The following LMO3 variants were observed in gnomAD, a reference collection of about 807,000 sequenced individuals.
The protein encoded by LMO3 is LIM domain only protein 3.
In LMO3, 2 loss-of-function variants were observed where a neutral mutation model predicts 15.8. The observed-to-expected ratio is 0.13, with a 90% CI of 0.05 to 0.40. The LOEUF is 0.40. Among genes scored for constraint, LMO3 ranks in the 10% least tolerant of loss-of-function variants. The pLI is 0.99. For missense variants in LMO3, 86 were observed against 182.2 expected (o/e 0.47, Z 3.04); for synonymous variants, 62 against 63.8 (o/e 0.97, Z 0.13).
Position 16,599,284 on chromosome 12 carries a change from T to G in LMO3, c.206+1371A>C, listed in dbSNP as rs1943750335. ...GGCACCTTGCATGTGTTTTACGCAC[T>G]TGGAACACAGAGAAGTAGTAACAAG... is the stretch of plus-strand genomic sequence containing the variant. On this transcript the variant is annotated intron_variant, in intron 2 of 3. Coordinates refer to ENST00000537304, the MANE Select transcript of LMO3 (RefSeq NM_018640.5). The surrounding 1 kb of genome is among the most constrained non-coding windows in gnomAD (Gnocchi z 4.1). The G allele has an allele frequency of 6.6e-6, 1 of 152,280 alleles. No individual in the cohort carries two copies. Among genetic ancestry groups the G allele is most frequent in the African/African-American group, 2.4e-5 (1 of 41,452 alleles). 9.4% of individuals were successfully genotyped at this position (152,280 alleles called of 1,614,324 possible).
rs1943549777 is a variant in LMO3 at position 16,593,306 on chromosome 12, T to C, written c.206+7349A>G. ...TCCCAGTAGCCCAGTTGGAGAGTTTTAATATTAAATTGAATCATAACAACA... is the reference window on the plus strand; with the variant it reads ...TCCCAGTAGCCCAGTTGGAGAGTTTCAATATTAAATTGAATCATAACAACA... On this transcript the variant is annotated intron_variant, in intron 2 of 3. Transcript: ENST00000537304. This position sits in a 1 kb window ranked among gnomAD's most constrained non-coding sequence, Gnocchi z 4.2. Among the ~76,000 whole-genome samples, 1 of 151,838 alleles carries C rather than the reference T, an allele frequency of 6.6e-6. No individual in the cohort carries two copies. Among genetic ancestry groups the C allele is most frequent in the South Asian group, 2.1e-4 (1 of 4,834 alleles).
In LMO3 at chr12:16,603,560, T is replaced by A. The variant is rs528773220; in HGVS notation, c.-9+2506A>T. ...TGTTCTGAGGGAAATTCTTATTGCC[T>A]CTGAGACCCTGCCATTCTGAGTTAT... On this transcript the variant is annotated intron_variant, in intron 1 of 3. Coordinates refer to ENST00000537304, the MANE Select transcript of LMO3 (RefSeq NM_018640.5). This position sits in a 1 kb window ranked among gnomAD's most constrained non-coding sequence, Gnocchi z 4.9. 7.2e-5 allele frequency among the ~76,000 whole-genome samples: 11 copies of A among 152,284 alleles called. No homozygotes were observed. The highest frequency in any genetic ancestry group is 2.6e-4 in the African/African-American group (11 of 41,554).
intron 2 of LMO3, among the ~76,000 whole-genome samples, chr12:16,579,555 A>C (rs1175410360): frequency 6.6e-6 from 1 of 152,222 alleles, no homozygotes; most frequent in Non-Finnish European, 1.5e-5. Flanking sequence ...ATAATTTGAA[A>C]AAAAGATTTT....
chr12:16,601,808 TG>T (rs1943833176), intron 1 of LMO3: 1 of 152,196 alleles, frequency 6.6e-6, no homozygotes, highest in African/African-American at 2.4e-5. Flanking sequence ...CTGGATTCCA[TG>T]GGCTTTACAG....
At position 16,593,744 on chromosome 12, in the gene LMO3, G is replaced by A. The variant is rs1002600314; in HGVS notation, c.206+6911C>T. Among the ~76,000 whole-genome samples, 1 of 151,686 alleles carries A rather than the reference G, an allele frequency of 6.6e-6. No individual in the cohort carries two copies. The highest frequency in any genetic ancestry group is 2.4e-5 in the African/African-American group (1 of 41,366). On this transcript the variant is annotated intron_variant, in intron 2 of 3. Transcript: ENST00000537304. This position sits in a 1 kb window ranked among gnomAD's most constrained non-coding sequence, Gnocchi z 4.2. ...ATCCATTAATACTGATAATAAAGGG[G>A]GGAAAGGCATAAGCCAAAGGAATTG...
intron 1 of LMO3, chr12:16,602,305 C>T (rs1049452625): frequency 7.0e-5 from 10 of 142,718 alleles, no homozygotes; most frequent in African/African-American, 2.4e-4. Flanking sequence ...AAGGCTTCAC[C>T]CCCATCACAA....
chr12:16,560,556 T>TC lies in LMO3; in HGVS notation c.207-19_207-18insG. On this transcript the variant is annotated intron_variant, in intron 2 of 3. Transcript: ENST00000537304. This position sits in a 1 kb window ranked among gnomAD's most constrained non-coding sequence, Gnocchi z 5.0. Reference sequence around the variant, plus strand: ...CAAAGAGCCTAGAATAAGAAACATTTTTTTTTTTTTACAAACTCTTACAGA... The same window carrying TC: ...CAAAGAGCCTAGAATAAGAAACATTTCTTTTTTTTTTACAAACTCTTACAGA... 1 of 1,594,988 alleles carries TC rather than the reference T, an allele frequency of 6.3e-7. No individual in the cohort carries two copies. The highest frequency in any genetic ancestry group is 8.5e-7 in the Non-Finnish European group (1 of 1,172,138).
chr12:16,586,796 T>C lies in LMO3; in HGVS notation c.206+13859A>G, dbSNP rs1383403730. Among the ~76,000 whole-genome samples, 1 of 152,198 alleles carries C rather than the reference T, an allele frequency of 6.6e-6. No homozygotes were observed. The highest frequency in any genetic ancestry group is 1.5e-5 in the Non-Finnish European group (1 of 68,042). ...ATTTATTGCATTACTTTTGTAACCT[T>C]TCTCCCAAAGGAACATGTAAGCCAT... On this transcript the variant is annotated intron_variant, in intron 2 of 3. Coordinates refer to ENST00000537304, the MANE Select transcript of LMO3 (RefSeq NM_018640.5). This position sits in a 1 kb window ranked among gnomAD's most constrained non-coding sequence, Gnocchi z 4.3.
rs1358693846 is a variant in LMO3, at chr12:16,591,080, A to C, written c.206+9575T>G. 6.6e-6 allele frequency among the ~76,000 whole-genome samples: 1 copy of C among 152,042 alleles called. No individual in the cohort carries two copies. The highest frequency in any genetic ancestry group is 2.4e-5 in the African/African-American group (1 of 41,408). ...ATGGTTTTCAAATTGAAGTATTATC[A>C]CTTTTCTAGGGGACATTTAGAAATG... is the stretch of plus-strand genomic sequence containing the variant. On this transcript the variant is annotated intron_variant, in intron 2 of 3. Coordinates refer to ENST00000537304, the MANE Select transcript of LMO3 (RefSeq NM_018640.5). The surrounding 1 kb of genome is among the most constrained non-coding windows in gnomAD (Gnocchi z 4.1).
In LMO3 at chr12:16,606,089, G is replaced by A; in HGVS notation, c.-32C>T. The stretch of plus-strand genomic sequence containing the variant: ...ACCTTCTCAATTAAGCGATACAGGG[G>A]GAGGCCGTTCAGTAAGCACAGTGGC... On this transcript the variant is annotated 5_prime_UTR_variant, in exon 1 of 4. Transcript: ENST00000537304. The A allele has an allele frequency of 2.1e-6, 1 of 471,304 alleles. No individual in the cohort carries two copies. Among genetic ancestry groups the A allele is most frequent in the East Asian group, 3.6e-5 (1 of 28,056 alleles). 29.2% of individuals were successfully genotyped at this position (471,304 alleles called of 1,614,324 possible).
chr12:16,551,331 A>C lies in LMO3; in HGVS notation c.333-4T>G, dbSNP rs776399918. The C allele has an allele frequency of 8.5e-6, 13 of 1,521,486 alleles. 1 individual carries two copies. The South Asian group carries it at 1.0e-4, about 12-fold the overall frequency. The allele number at this position is 1,521,486 out of a possible 1,614,324, so 94.2% of individuals were successfully genotyped here. ...AAATTTGTCTCCAACACAAAATCTG[A>C]AAATATTTTAAACAATAAAATGTGG... is the stretch of plus-strand genomic sequence containing the variant. On this transcript the variant is annotated splice_polypyrimidine_tract_variant and splice_region_variant and intron_variant, in intron 3 of 3. Transcript: ENST00000537304.
chr12:16,548,921 A>G lies in LMO3; in HGVS notation c.*2301T>C, dbSNP rs1197088207. On this transcript the variant is annotated 3_prime_UTR_variant, in exon 4 of 4. Transcript: ENST00000537304. This position sits in a 1 kb window ranked among gnomAD's most constrained non-coding sequence, Gnocchi z 4.2. ...TAATTCTCAGCATATTATGTAAAAG[A>G]AAAAGCAGTGAAAACCTTGTTTGGT... 6.6e-6 allele frequency: 1 copy of G among 152,180 alleles called. No individual in the cohort carries two copies. Among genetic ancestry groups the G allele is most frequent in the African/African-American group, 2.4e-5 (1 of 41,442 alleles). 9.4% of individuals were successfully genotyped at this position (152,180 alleles called of 1,614,324 possible).
In LMO3 at chr12:16,589,479, T is replaced by A. The variant is rs1418581519; in HGVS notation, c.206+11176A>T. ...CTCCGTATAAATTAGGAAGGAAAAA[T>A]TTAAGAAAAATTAATTTAAAATCTC... On this transcript the variant is annotated intron_variant, in intron 2 of 3. Transcript: ENST00000537304. The surrounding 1 kb of genome is among the most constrained non-coding windows in gnomAD (Gnocchi z 4.2). The A allele has an allele frequency of 6.6e-6, 1 of 152,022 alleles. No individual in the cohort carries two copies. The highest frequency in any genetic ancestry group is 1.5e-5 in the Non-Finnish European group (1 of 67,990). The allele number at this position is 152,022 out of a possible 1,614,324, so 9.4% of individuals were successfully genotyped here.
rs1943246424 is a variant in LMO3, at chr12:16,584,107, T to C, written c.206+16548A>G. On this transcript the variant is annotated intron_variant, in intron 2 of 3. Coordinates refer to ENST00000537304, the MANE Select transcript of LMO3 (RefSeq NM_018640.5). The surrounding 1 kb of genome is among the most constrained non-coding windows in gnomAD (Gnocchi z 5.2). ...GGCTTGGTTTCAAGTGAGTCATCTC[T>C]AAGCCTTTTAGAATCCCTAGAATTG... 6.6e-6 allele frequency among the ~76,000 whole-genome samples: 1 copy of C among 152,198 alleles called. No homozygotes were observed. The highest frequency in any genetic ancestry group is 1.9e-4 in the East Asian group (1 of 5,192).
chr12:16,602,019 G>A (rs763194477), intron 1 of LMO3: 3 of 152,048 alleles, frequency 2.0e-5, no homozygotes, highest in Non-Finnish European at 2.9e-5. Context: ...TTATGTTACC[G>A]AGGCCCAAGA....
intron 2 of LMO3, among the ~76,000 whole-genome samples, chr12:16,568,896 C>T (rs994380320): frequency 6.6e-6 from 1 of 152,104 alleles, no homozygotes; most frequent in Admixed American, 6.5e-5. Context: ...AGAAATCTCT[C>T]TTATAATGTT....
At chr12:16,573,407 C>T (rs919815302) in intron 2 of LMO3, 7 of 152,164 alleles carry the variant, frequency 4.6e-5, no homozygotes, top group Non-Finnish European at 1.0e-4. Context: ...GAAAAGACAA[C>T]TTAAAAGATA....
chr12:16,587,046 T>C lies in LMO3; in HGVS notation c.206+13609A>G, dbSNP rs886752665. On this transcript the variant is annotated intron_variant, in intron 2 of 3. Coordinates refer to ENST00000537304, the MANE Select transcript of LMO3 (RefSeq NM_018640.5). This position sits in a 1 kb window ranked among gnomAD's most constrained non-coding sequence, Gnocchi z 4.3. Reference sequence around the variant, plus strand: ...TCTCGTCACATCTCATATTTGGTTATTTTCCTTCTCAAAAGGTCTTGTTAC... The same window carrying C: ...TCTCGTCACATCTCATATTTGGTTACTTTCCTTCTCAAAAGGTCTTGTTAC... Among the ~76,000 whole-genome samples, 1 of 152,216 alleles carries C rather than the reference T, an allele frequency of 6.6e-6. No individual in the cohort carries two copies. Among genetic ancestry groups the C allele is most frequent in the Non-Finnish European group, 1.5e-5 (1 of 68,036 alleles).
In LMO3 at chr12:16,551,615, C is replaced by T. The variant is rs180889751; in HGVS notation, c.333-288G>A. The stretch of plus-strand genomic sequence containing the variant: ...TTGCTTTTTTTTTTTTTAAACCACA[C>T]TGGAAAGAAAAAAAATAAAAAGAAC... On this transcript the variant is annotated intron_variant, in intron 3 of 3. Transcript: ENST00000537304. Among the ~76,000 whole-genome samples, 189 of 146,564 alleles carry T rather than the reference C, an allele frequency of 1.3e-3. 2 individuals are homozygous for T. Among genetic ancestry groups the T allele is most frequent in the Admixed American group, 4.4e-3 (65 of 14,744 alleles).
Sources: gnomAD v4.1 joint callset for allele counts (sites outside exome capture counted in the v4.1 genomes callset) on GRCh38, gnomAD v4.1.1 for gene constraint, Gnocchi (gnomAD v3.1) non-coding constraint, MANE v1.5 for transcripts, NCBI Gene and HGNC (gene_info 2026-07-23, HGNC 2026-07-21) for gene names.